Variants in PAK5 observed in about 807,000 individuals in gnomAD.
The protein encoded by PAK5 is serine/threonine-protein kinase PAK 5.
Under a neutral mutation model 65.9 loss-of-function variants are expected in PAK5, and 16 were observed. The observed-to-expected ratio is 0.24, with a 90% CI of 0.16 to 0.37. The LOEUF (loss-of-function observed/expected upper bound fraction) is 0.37. PAK5 is among the 10% of genes least tolerant of loss of function. The probability of loss-of-function intolerance (pLI) is 1.00; values close to 1 mark genes in which losing one functional copy is unlikely to be tolerated. For missense variants in PAK5, 785 were observed against 903.9 expected, an observed-to-expected ratio of 0.87 and a Z score of 1.69; for synonymous variants, 371 against 354.9, an observed-to-expected ratio of 1.05 and a Z score of -0.51.
intron 1 of PAK5, among the ~76,000 whole-genome samples, chr20:9,797,394 G>A (rs1342158204): frequency 6.6e-6 from 1 of 150,832 alleles, no homozygotes; most frequent in Non-Finnish European, 1.5e-5. Context: ...ACTATCGCAA[G>A]GACAAAAAAC....
intron 2 of PAK5, among the ~76,000 whole-genome samples, chr20:9,670,555 C>T (rs1569031292): frequency 6.6e-6 from 1 of 152,198 alleles, no homozygotes; most frequent in Non-Finnish European, 1.5e-5. Context: ...TGTCTGTTGG[C>T]TGCATAAATG....
At chr20:9,828,605 A>G (rs1978464732) in intron 1 of PAK5, among the ~76,000 whole-genome samples, 1 of 152,180 alleles carries the variant, frequency 6.6e-6, no homozygotes, top group African/African-American at 2.4e-5. Context: ...TAAGGGGGCA[A>G]CACAGCTGAC....
At chr20:9,663,522 T>G (rs1170322709) in intron 2 of PAK5, among the ~76,000 whole-genome samples, 1 of 152,190 alleles carries the variant, frequency 6.6e-6, no homozygotes, top group East Asian at 1.9e-4. Flanking sequence ...TACTATTTAA[T>G]TTGGGTAAGT....
chr20:9,574,417 A>G (rs1401283886), intron 4 of PAK5, among the ~76,000 whole-genome samples: 1 of 152,166 alleles, frequency 6.6e-6, no homozygotes, highest in Non-Finnish European at 1.5e-5. Context: ...TGTGTCTTCT[A>G]TTCAAGAGCA....
chr20:9,598,322 G>A (rs904520414), intron 3 of PAK5, among the ~76,000 whole-genome samples: 1 of 152,186 alleles, frequency 6.6e-6, no homozygotes, highest in African/African-American at 2.4e-5. Context: ...GTATTCCATG[G>A]TGTATACATA....
intron 3 of PAK5, among the ~76,000 whole-genome samples, chr20:9,619,539 T>A (rs550074327): frequency 5.3e-5 from 8 of 152,294 alleles, no homozygotes; most frequent in African/African-American, 1.9e-4. Context: ...GTCTGCTGTG[T>A]TCAGGTCCCT....
chr20:9,687,623 A>G (rs1326864681), intron 2 of PAK5, among the ~76,000 whole-genome samples: 1 of 152,130 alleles, frequency 6.6e-6, no homozygotes, highest in East Asian at 1.9e-4. Flanking sequence ...ATAGAAATAC[A>G]TGGTGATTTT....
intron 1 of PAK5, among the ~76,000 whole-genome samples, chr20:9,798,309 G>A (rs567959174): frequency 7.2e-5 from 11 of 152,220 alleles, no homozygotes; most frequent in African/African-American, 2.4e-4. Flanking sequence ...GGAAATCCTA[G>A]AGCAAATTTG....
At chr20:9,732,835 T>G (rs1569064025) in intron 1 of PAK5, among the ~76,000 whole-genome samples, 1 of 152,218 alleles carries the variant, frequency 6.6e-6, no homozygotes, top group Non-Finnish European at 1.5e-5. Flanking sequence ...TCCAGTTAGC[T>G]CTAAGATTTG....
At chr20:9,604,530 G>A (rs2046416869) in intron 3 of PAK5, among the ~76,000 whole-genome samples, 1 of 152,182 alleles carries the variant, frequency 6.6e-6, no homozygotes, top group African/African-American at 2.4e-5. Context: ...ACTCAGTGAA[G>A]GTCACAAAGC....
chr20:9,599,313 T>A (rs1394796174), intron 3 of PAK5, among the ~76,000 whole-genome samples: 2 of 152,254 alleles, frequency 1.3e-5, no homozygotes, highest in Non-Finnish European at 2.9e-5. Context: ...AATGCTCCTG[T>A]GAACATTGAT....
intron 2 of PAK5, among the ~76,000 whole-genome samples, chr20:9,689,482 T>C (rs2047763583): frequency 6.6e-6 from 1 of 152,222 alleles, no homozygotes; most frequent in Non-Finnish European, 1.5e-5. Flanking sequence ...TCCGGCAGCC[T>C]AACTCTCTCT....
intron 5 of PAK5, among the ~76,000 whole-genome samples, chr20:9,564,744 C>A (rs537214147): frequency 6.6e-6 from 1 of 152,014 alleles, no homozygotes; most frequent in Admixed American, 6.6e-5. Context: ...ACACTCACTG[C>A]AAAATAATAA....
At chr20:9,737,235 C>G (rs2048399706) in intron 1 of PAK5, among the ~76,000 whole-genome samples, 1 of 152,006 alleles carries the variant, frequency 6.6e-6, no homozygotes, top group Admixed American at 6.6e-5. Context: ...GATAAAAAAG[C>G]AAGACTCAAC....
At chr20:9,567,900 G>A (rs2123009640) in intron 4 of PAK5, among the ~76,000 whole-genome samples, 1 of 152,350 alleles carries the variant, frequency 6.6e-6, no homozygotes, top group South Asian at 2.1e-4. Context: ...CTCTCTGAGG[G>A]GGTTCCGTTG....
At chr20:9,642,087 G>GC (rs1489998899) in intron 3 of PAK5, among the ~76,000 whole-genome samples, 1 of 152,240 alleles carries the variant, frequency 6.6e-6, no homozygotes, top group Non-Finnish European at 1.5e-5. Context: ...CAAAGTGGGA[G>GC]CCCAGGCAGG....
intron 4 of PAK5, among the ~76,000 whole-genome samples, chr20:9,576,404 T>C (rs1424451145): frequency 6.6e-6 from 1 of 152,174 alleles, no homozygotes; most frequent in Non-Finnish European, 1.5e-5. Flanking sequence ...TGTCTGGGTA[T>C]ATTTTGGTTG....
chr20:9,763,847 C>T (rs893442586), intron 1 of PAK5, among the ~76,000 whole-genome samples: 6 of 152,066 alleles, frequency 3.9e-5, no homozygotes, highest in Admixed American at 6.6e-5. Context: ...TGTGTTTATA[C>T]GTACATATAA....
chr20:9,812,285 T>C (rs975460947), intron 1 of PAK5, among the ~76,000 whole-genome samples: 1 of 148,036 alleles, frequency 6.8e-6, no homozygotes, highest in African/African-American at 2.5e-5. Flanking sequence ...ATAAGCTCAA[T>C]AACAAAAAAA....
Sources: gnomAD v4.1 joint callset for allele counts (sites outside exome capture counted in the v4.1 genomes callset) on GRCh38, gnomAD v4.1.1 for gene constraint, MANE v1.5 for transcripts, NCBI Gene and HGNC (gene_info 2026-07-23, HGNC 2026-07-21) for gene names.